Variants in ACTR3C observed in about 807,000 individuals in gnomAD.
ACTR3C encodes actin-related protein 3C.
Under a neutral mutation model 26.3 loss-of-function variants are expected in ACTR3C, and 18 were observed. The ratio of observed to expected loss-of-function variants is 0.68; its 90% CI spans 0.47 to 1.01. ACTR3C has a LOEUF of 1.01. Ranked by LOEUF, ACTR3C falls within the 50% of genes least tolerant of loss-of-function variation. The pLI is 0.00. For missense variants in ACTR3C, 184 were observed against 250.7 expected, an observed-to-expected ratio of 0.73 and a Z score of 1.80; for synonymous variants, 55 against 94.5, an observed-to-expected ratio of 0.58 and a Z score of 2.42.
chr7:150,065,330 T>G, the ACTR3C span, among the ~76,000 whole-genome samples: 1 of 152,268 alleles, frequency 6.6e-6, no homozygotes, highest in Non-Finnish European at 1.5e-5. Flanking sequence ...ATTATTGTAT[T>G]ATTGCATTAC....
At chr7:150,185,274 G>GGGGTGTGT in the ACTR3C span, among the ~76,000 whole-genome samples, 112 of 124,268 alleles carry the variant, frequency 9.0e-4, no homozygotes, top group African/African-American at 3.2e-3. Context: ...TTAAATGTCA[G>GGGGTGTGT]GCGTGTGTGT....
the ACTR3C span, among the ~76,000 whole-genome samples, chr7:149,898,733 A>C: frequency 1.3e-5 from 2 of 152,106 alleles, no homozygotes; most frequent in East Asian, 3.8e-4. Context: ...AAAAAGAATA[A>C]AAATAAAAAT....
the ACTR3C span, among the ~76,000 whole-genome samples, chr7:150,133,919 G>A: frequency 6.6e-6 from 1 of 152,054 alleles, no homozygotes; most frequent in South Asian, 2.1e-4. Context: ...TCTATTTTTG[G>A]TAGAGATGGG....
At chr7:150,042,057 CA>C in the ACTR3C span, among the ~76,000 whole-genome samples, 14 of 97,842 alleles carry the variant, frequency 1.4e-4, 1 homozygote, top group East Asian at 4.6e-3. Flanking sequence ...GGTCCTAAGC[CA>C]GGGGGGGATG....
At chr7:150,038,854 G>A in the ACTR3C span, among the ~76,000 whole-genome samples, 1 of 138,100 alleles carries the variant, frequency 7.2e-6, no homozygotes, top group Non-Finnish European at 1.6e-5. Flanking sequence ...GGGGAACCAG[G>A]GGCTGGCTCT....
At chr7:150,093,310 A>AT in the ACTR3C span, among the ~76,000 whole-genome samples, 1 of 151,170 alleles carries the variant, frequency 6.6e-6, no homozygotes, top group Non-Finnish European at 1.5e-5. Context: ...TTGATCGGTG[A>AT]TTTTTCAAGA....
At chr7:150,200,424 T>C in the ACTR3C span, among the ~76,000 whole-genome samples, 1 of 143,744 alleles carries the variant, frequency 7.0e-6, no homozygotes, top group Non-Finnish European at 1.5e-5. Context: ...AAAATATATT[T>C]AAAAATCATT....
At chr7:150,032,525 G>A in the ACTR3C span, among the ~76,000 whole-genome samples, 4 of 152,112 alleles carry the variant, frequency 2.6e-5, no homozygotes, top group Non-Finnish European at 2.9e-5. Context: ...TGTAGACCCT[G>A]GGAGAGAGCA....
At position 150,316,530 on chromosome 7, in the gene ACTR3C, G is replaced by A. The variant is rs982206773; in HGVS notation, c.-52+6939C>T. On this transcript the variant is annotated intron_variant, in intron 1 of 7. Transcript: ENST00000683684. ...TTGAGGCGGAGTCTCACTGTTGCCA[G>A]GCGGGAGTGCAGTGGCGCGATCTCA... 1.0e-4 allele frequency among the ~76,000 whole-genome samples: 15 copies of A among 148,666 alleles called. No individual in the cohort carries two copies. In the South Asian group the frequency reaches 1.3e-3, roughly 13 times the overall value.
chr7:149,922,970 C>CTTTTTTTTTTTTTTTTTT, the ACTR3C span, among the ~76,000 whole-genome samples: 22 of 69,160 alleles, frequency 3.2e-4, 1 homozygote, highest in East Asian at 1.7e-3. Context: ...AAATAAAAGG[C>CTTTTTTTTTTTTTTTTTT]TTTTTTTTTT....
At chr7:149,898,664 C>T in the ACTR3C span, among the ~76,000 whole-genome samples, 440 of 150,954 alleles carry the variant, frequency 2.9e-3, 2 homozygotes, top group African/African-American at 9.9e-3. Flanking sequence ...GCCGAGATCA[C>T]GCCACTGCAC....
At chr7:150,206,419 A>C in the ACTR3C span, among the ~76,000 whole-genome samples, 1 of 151,602 alleles carries the variant, frequency 6.6e-6, no homozygotes, top group African/African-American at 2.4e-5. Flanking sequence ...TTATTTTATT[A>C]TTATTTTTTT....
the ACTR3C span, among the ~76,000 whole-genome samples, chr7:149,900,398 A>G: frequency 6.0e-3 from 907 of 152,124 alleles, 13 homozygotes; most frequent in African/African-American, 0.021. Flanking sequence ...GATGGTCTCA[A>G]TCTCTTGACC....
intron 6 of ACTR3C, among the ~76,000 whole-genome samples, chr7:150,283,574 T>C (rs943993863): frequency 3.3e-5 from 5 of 151,530 alleles, no homozygotes; most frequent in African/African-American, 1.2e-4. Context: ...GCATACATAA[T>C]TCAAAAAATA....
the ACTR3C span, among the ~76,000 whole-genome samples, chr7:150,076,831 G>A: frequency 6.6e-6 from 1 of 152,000 alleles, no homozygotes; most frequent in Non-Finnish European, 1.5e-5. Flanking sequence ...AGTATTTTTG[G>A]AGGCGTGTAG....
chr7:149,906,417 T>C, the ACTR3C span, among the ~76,000 whole-genome samples: 1 of 2,974 alleles, frequency 3.4e-4, no homozygotes, highest in Non-Finnish European at 2.8e-3. Context: ...TGTTTCTTTT[T>C]TTTTTTTTTT....
At chr7:150,037,734 G>GA in the ACTR3C span, among the ~76,000 whole-genome samples, 2 of 88,536 alleles carry the variant, frequency 2.3e-5, no homozygotes, top group Non-Finnish European at 5.0e-5. Flanking sequence ...GGGGAAGAGG[G>GA]TCTGGCTCTC....
chr7:150,095,964 G>C, the ACTR3C span, among the ~76,000 whole-genome samples: 5 of 148,826 alleles, frequency 3.4e-5, no homozygotes, highest in African/African-American at 1.3e-4. Context: ...TTATAGGGAC[G>C]TGGAGAAATG....
At chr7:150,161,794 A>G in the ACTR3C span, among the ~76,000 whole-genome samples, 59 of 152,310 alleles carry the variant, frequency 3.9e-4, no homozygotes, top group Non-Finnish European at 7.1e-4. Flanking sequence ...CCACTCTTTC[A>G]AAACTTAACC....
Sources: allele counts gnomAD v4.1 joint callset (sites outside exome capture counted in the v4.1 genomes callset), GRCh38; gene constraint gnomAD v4.1.1; transcripts MANE v1.5; gene names NCBI Gene and HGNC (gene_info 2026-07-23, HGNC 2026-07-21).